MMD2: variants seen among roughly 807,000 people sequenced by gnomAD.
The protein encoded by MMD2 is monocyte to macrophage differentiation associated 2, also known as monocyte to macrophage differentiation factor 2.
Under a neutral mutation model 33.5 loss-of-function variants are expected in MMD2, and 30 were observed. That is an observed-to-expected ratio of 0.90 (90% confidence interval 0.67 to 1.22). The LOEUF is 1.22. MMD2 is among the 50% of genes most tolerant of loss of function. The pLI is 0.00. For synonymous variants in MMD2, 129 were observed against 123.0 expected (o/e 1.05, Z -0.32); for missense variants, 364 against 325.4 (o/e 1.12, Z -0.91).
the MMD2 span, among the ~76,000 whole-genome samples, chr7:4,894,823 G>A: frequency 6.6e-6 from 1 of 152,108 alleles, no homozygotes; most frequent in East Asian, 1.9e-4. This position sits in a 1 kb window ranked among gnomAD's most constrained non-coding sequence, Gnocchi z 4.3. Context: ...TTCTTGTTCC[G>A]TGTCCAGGAA....
Position 4,940,898 on chromosome 7 carries a change from C to T in MMD2, c.48-15366G>A, listed in dbSNP as rs1479333764. Among the ~76,000 whole-genome samples the T allele has an allele frequency of 6.6e-6, 1 of 152,142 alleles. No individual in the cohort carries two copies. The highest frequency in any genetic ancestry group is 2.4e-5 in the African/African-American group (1 of 41,444). Reference sequence around the variant, plus strand: ...GGTACTGACCCGACAGATCTGAGACCAGCTCCCAGCCTTGGCGCCCACCCT... The same window carrying T: ...GGTACTGACCCGACAGATCTGAGACTAGCTCCCAGCCTTGGCGCCCACCCT... On this transcript the variant is annotated intron_variant, in intron 1 of 6. Coordinates refer to ENST00000401401, the MANE Select transcript of MMD2 (RefSeq NM_198403.4). This position sits in a 1 kb window ranked among gnomAD's most constrained non-coding sequence, Gnocchi z 5.0.
At position 4,946,436 on chromosome 7, in the gene MMD2, A is replaced by G. The variant is rs1169430421; in HGVS notation, c.47+12535T>C. Among the ~76,000 whole-genome samples, 1 of 152,222 alleles carries G rather than the reference A, an allele frequency of 6.6e-6. No homozygotes were observed. The highest frequency in any genetic ancestry group is 1.9e-4 in the East Asian group (1 of 5,196). ...CCAAGTACTTTAAAAAGCTGAGTCC[A>G]GTGATGCTGAAGGGAAGTGGGGGTG... On this transcript the variant is annotated intron_variant, in intron 1 of 6. Transcript: ENST00000401401. The surrounding 1 kb of genome is among the most constrained non-coding windows in gnomAD (Gnocchi z 5.0).
At chr7:4,941,629 C>CAAAAA (rs60860507) in intron 1 of MMD2, among the ~76,000 whole-genome samples, 1 of 135,976 alleles carries the variant, frequency 7.4e-6, no homozygotes. Context: ...GAACCTGTCT[C>CAAAAA]AAAAAAAAAA....
chr7:4,930,667 C>T (rs1165804788), intron 1 of MMD2, among the ~76,000 whole-genome samples: 2 of 130,104 alleles, frequency 1.5e-5, no homozygotes, highest in Admixed American at 7.7e-5. Context: ...AGGAAAGAGA[C>T]AGAGAGGACA....
intron 1 of MMD2, among the ~76,000 whole-genome samples, chr7:4,933,213 T>G (rs2115126067): frequency 6.6e-6 from 1 of 151,196 alleles, no homozygotes; most frequent in Non-Finnish European, 1.5e-5. Context: ...TATTAAAAAA[T>G]TACCTGGGTG....
At chr7:4,920,416 C>G (rs1203628434) in intron 2 of MMD2, 85 bp from the exon 3 acceptor site, 1 of 1,411,718 alleles carries the variant, frequency 7.1e-7, no homozygotes, top group East Asian at 2.5e-5. Flanking sequence ...CTGAGCTGCC[C>G]AACGTGGCAG....
At chr7:4,924,116 C>A (rs1295151858) in intron 2 of MMD2, among the ~76,000 whole-genome samples, 1 of 152,160 alleles carries the variant, frequency 6.6e-6, no homozygotes, top group South Asian at 2.1e-4. Context: ...GGCATGAACC[C>A]AGGAGGCAGA....
the MMD2 span, among the ~76,000 whole-genome samples, chr7:4,898,107 C>G: frequency 1.3e-5 from 2 of 152,186 alleles, no homozygotes; most frequent in Admixed American, 6.6e-5. Flanking sequence ...ACGCTGCCCA[C>G]TGGGTCTCTA....
intron 5 of MMD2, 148 bp from the exon 6 acceptor site, chr7:4,910,098 A>C: frequency 6.4e-7 from 1 of 1,561,018 alleles, no homozygotes; most frequent in Non-Finnish European, 8.7e-7. Flanking sequence ...GCCTTGGCTC[A>C]GATTTCACCC....
At chr7:4,933,406 G>C (rs1339918589) in intron 1 of MMD2, among the ~76,000 whole-genome samples, 1 of 152,116 alleles carries the variant, frequency 6.6e-6, no homozygotes, top group African/African-American at 2.4e-5. Flanking sequence ...TATACTAAAA[G>C]AAAATGGCCC....
chr7:4,911,173 T>C lies in MMD2; in HGVS notation c.439A>G (p.Thr147Ala), dbSNP rs756304405. The change falls in exon 5 of 7, where the codon ACC becomes GCC. Residue 147 changes from threonine to alanine, a missense_variant. Transcript: ENST00000401401. ...TCATGGAAGAAGAAGACATAGATGG[T>C]GCCCACGGAAGCCATAATCCAGACC... ...WLVWIMASVG[T>A]IYVFFFHERY... The C allele has an allele frequency of 2.5e-5, 40 of 1,594,194 alleles. No individual in the cohort carries two copies. The highest frequency in any genetic ancestry group is 3.0e-5 in the Non-Finnish European group (35 of 1,171,294).
intron 1 of MMD2, among the ~76,000 whole-genome samples, chr7:4,937,439 A>AAAGGAAGAAAGGAAGG (rs1428041287): frequency 3.3e-5 from 5 of 151,806 alleles, no homozygotes; most frequent in African/African-American, 1.2e-4. Flanking sequence ...AGAAAGAAAG[A>AAAGGAAGAAAGGAAGG]AAGGAAGAAA....
chr7:4,941,038 A>G (rs1282904827), intron 1 of MMD2, among the ~76,000 whole-genome samples: 1 of 152,126 alleles, frequency 6.6e-6, no homozygotes, highest in Admixed American at 6.6e-5. Flanking sequence ...AGAAGGGGCC[A>G]TGGTCATCGC....
intron 6 of MMD2, among the ~76,000 whole-genome samples, chr7:4,909,541 C>T (rs1277823837): frequency 1.3e-5 from 2 of 152,026 alleles, no homozygotes; most frequent in East Asian, 3.9e-4. Flanking sequence ...ATCCCAGGTT[C>T]AAGACATTCT....
At chr7:4,893,020 T>A in the MMD2 span, among the ~76,000 whole-genome samples, 1 of 152,166 alleles carries the variant, frequency 6.6e-6, no homozygotes. Flanking sequence ...AGCTGACTAA[T>A]TGCGGTTTCT....
At chr7:4,949,663 C>T (rs1490645123) in intron 1 of MMD2, among the ~76,000 whole-genome samples, 1 of 152,048 alleles carries the variant, frequency 6.6e-6, no homozygotes, top group Non-Finnish European at 1.5e-5. Context: ...AGGCACCCGC[C>T]ACCACACCTG....
chr7:4,933,472 T>G (rs1785649112), intron 1 of MMD2, among the ~76,000 whole-genome samples: 1 of 152,118 alleles, frequency 6.6e-6, no homozygotes, highest in Non-Finnish European at 1.5e-5. Context: ...TCCATCCCTG[T>G]CTTTGCTCCT....
At chr7:4,912,766 G>A (rs563397431) in intron 4 of MMD2, among the ~76,000 whole-genome samples, 4 of 151,940 alleles carry the variant, frequency 2.6e-5, no homozygotes, top group African/African-American at 4.8e-5. Context: ...AGTGCAGTGA[G>A]GCAATCTCAG....
At chr7:4,926,128 C>T (rs1583374796) in intron 1 of MMD2, among the ~76,000 whole-genome samples, 1 of 149,388 alleles carries the variant, frequency 6.7e-6, no homozygotes, top group East Asian at 2.0e-4. Flanking sequence ...CACGGGGTCT[C>T]ACTCTGTCTC....
Sources: allele counts gnomAD v4.1 joint callset (sites outside exome capture counted in the v4.1 genomes callset), GRCh38; gene constraint gnomAD v4.1.1; non-coding constraint Gnocchi (gnomAD v3.1); transcripts MANE v1.5; gene names NCBI Gene and HGNC (gene_info 2026-07-23, HGNC 2026-07-21).